LDB2: variants seen among roughly 807,000 people sequenced by gnomAD.
LDB2 encodes LIM domain binding 2, also known as LIM domain-binding protein 2.
A neutral mutation model predicts 44.3 loss-of-function variants in LDB2; 12 were observed. The ratio of observed to expected loss-of-function variants is 0.27; its 90% CI spans 0.17 to 0.44. The LOEUF (loss-of-function observed/expected upper bound fraction) is 0.44. LDB2 is among the 20% of genes least tolerant of loss of function. The pLI is 1.00. For synonymous variants in LDB2, 164 were observed against 174.8 expected (o/e 0.94, Z 0.49); for missense variants, 344 against 473.5 (o/e 0.73, Z 2.54).
chr4:16,658,187 C>G lies in LDB2; in HGVS notation c.236-62312G>C, dbSNP rs909171033. Among the ~76,000 whole-genome samples the G allele has an allele frequency of 3.3e-5, 5 of 152,162 alleles. No homozygotes were observed. The South Asian group carries it at 8.3e-4, about 25-fold the overall frequency. On this transcript the variant is annotated intron_variant, in intron 2 of 7. Transcript: ENST00000304523. ...TGGAAGAGGTCAGTATGGCAGATTCCTCTTGGGCAGGGGCTGTATCTTATT... is the reference window on the plus strand; with the variant it reads ...TGGAAGAGGTCAGTATGGCAGATTCGTCTTGGGCAGGGGCTGTATCTTATT...
At chr4:16,570,694 C>T (rs1746203359) in intron 5 of LDB2, among the ~76,000 whole-genome samples, 1 of 151,366 alleles carries the variant, frequency 6.6e-6, no homozygotes, top group South Asian at 2.1e-4. Flanking sequence ...TGGAGGAAGT[C>T]ACATTTGTCT....
chr4:16,695,828 A>ATT (rs143557117), intron 2 of LDB2, among the ~76,000 whole-genome samples: 1 of 151,890 alleles, frequency 6.6e-6, no homozygotes, highest in Non-Finnish European at 1.5e-5. Flanking sequence ...TCTTCTTTTG[A>ATT]TTTTTTTTGA....
intron 5 of LDB2, among the ~76,000 whole-genome samples, chr4:16,523,886 A>G (rs1243815667): frequency 6.6e-6 from 1 of 152,260 alleles, no homozygotes; most frequent in Non-Finnish European, 1.5e-5. Flanking sequence ...AAACAAAACC[A>G]TAGGTAAGAA....
intron 2 of LDB2, among the ~76,000 whole-genome samples, chr4:16,611,218 C>G (rs2152464254): frequency 6.6e-6 from 1 of 152,226 alleles, no homozygotes; most frequent in East Asian, 1.9e-4. Context: ...GAAAGAAGCA[C>G]TAAATATGGA....
At chr4:16,724,281 G>A (rs1049113712) in intron 2 of LDB2, among the ~76,000 whole-genome samples, 5 of 151,768 alleles carry the variant, frequency 3.3e-5, no homozygotes, top group Non-Finnish European at 5.9e-5. Context: ...TACTATCTGG[G>A]TATCTGTGTT....
At chr4:16,601,793 T>A (rs543827094) in intron 2 of LDB2, among the ~76,000 whole-genome samples, 1 of 152,176 alleles carries the variant, frequency 6.6e-6, no homozygotes, top group Non-Finnish European at 1.5e-5. Flanking sequence ...TTTAAACTTA[T>A]CTGTATTCAG....
intron 2 of LDB2, among the ~76,000 whole-genome samples, chr4:16,741,297 A>G (rs1763185387): frequency 6.6e-6 from 1 of 152,244 alleles, no homozygotes; most frequent in South Asian, 2.1e-4. Flanking sequence ...ATCATTCACT[A>G]GCAAGTATAG....
At chr4:16,898,133 G>A (rs1482944011) in intron 1 of LDB2, among the ~76,000 whole-genome samples, 2 of 151,608 alleles carry the variant, frequency 1.3e-5, no homozygotes, top group African/African-American at 2.4e-5. Context: ...TCAAGTGCTG[G>A]GTTGTCTCAA....
At chr4:16,755,552 A>ATGT (rs1561115124) in intron 2 of LDB2, among the ~76,000 whole-genome samples, 1,695 of 32,548 alleles carry the variant, frequency 0.052, 13 homozygotes, top group South Asian at 0.11. Flanking sequence ...ACAGACAGAC[A>ATGT]GAGAGAGAGA....
At chr4:16,697,212 CAGG>C (rs1365994843) in intron 2 of LDB2, among the ~76,000 whole-genome samples, 1 of 151,260 alleles carries the variant, frequency 6.6e-6, no homozygotes, top group Admixed American at 6.6e-5. Flanking sequence ...ATCACGAGAT[CAGG>C]AGATCGAGAC....
chr4:16,824,826 T>C (rs1782760843), intron 1 of LDB2, among the ~76,000 whole-genome samples: 1 of 152,234 alleles, frequency 6.6e-6, no homozygotes, highest in Non-Finnish European at 1.5e-5. Flanking sequence ...GTGCCAGCCA[T>C]GTCCTGGCAT....
At chr4:16,658,572 T>G (rs1390074268) in intron 2 of LDB2, among the ~76,000 whole-genome samples, 1 of 152,166 alleles carries the variant, frequency 6.6e-6, no homozygotes, top group Non-Finnish European at 1.5e-5. Flanking sequence ...CCTGAAATTT[T>G]AGATTTTTAT....
intron 2 of LDB2, among the ~76,000 whole-genome samples, chr4:16,652,678 A>T (rs1451748365): frequency 6.6e-6 from 1 of 152,220 alleles, no homozygotes; most frequent in Non-Finnish European, 1.5e-5. Flanking sequence ...TTGGAAAAGA[A>T]GAGACCACTT....
chr4:16,813,368 A>G (rs1026277480), intron 1 of LDB2, among the ~76,000 whole-genome samples: 32 of 152,216 alleles, frequency 2.1e-4, no homozygotes, highest in African/African-American at 7.7e-4. Context: ...TGAGTAGGAC[A>G]TAGAAGAAGT....
chr4:16,809,313 TA>T (rs1779341452), intron 1 of LDB2, among the ~76,000 whole-genome samples: 1 of 152,188 alleles, frequency 6.6e-6, no homozygotes, highest in African/African-American at 2.4e-5. Context: ...TATTTTTGCT[TA>T]ACACAAATAT....
At chr4:16,727,194 G>A (rs1221593493) in intron 2 of LDB2, among the ~76,000 whole-genome samples, 1 of 152,212 alleles carries the variant, frequency 6.6e-6, no homozygotes, top group Non-Finnish European at 1.5e-5. Flanking sequence ...TCAACTCAAA[G>A]AGCATGCAAA....
intron 1 of LDB2, among the ~76,000 whole-genome samples, chr4:16,766,510 A>C (rs2313974): frequency 7.9e-6 from 1 of 127,072 alleles, no homozygotes; most frequent in African/African-American, 3.2e-5. Flanking sequence ...GTGTGTATAT[A>C]TTTTTTTTTT....
chr4:16,779,116 G>A (rs1772594764), intron 1 of LDB2, among the ~76,000 whole-genome samples: 1 of 152,182 alleles, frequency 6.6e-6, no homozygotes, highest in Admixed American at 6.5e-5. Context: ...TGGCCATAAA[G>A]CTGTTGGGGG....
intron 1 of LDB2, among the ~76,000 whole-genome samples, chr4:16,843,582 AT>A (rs1234445083): frequency 6.6e-6 from 1 of 152,162 alleles, no homozygotes; most frequent in Non-Finnish European, 1.5e-5. Context: ...ACAGGGTGCC[AT>A]TTTAAAAAAA....
Sources: gnomAD v4.1 joint callset for allele counts (sites outside exome capture counted in the v4.1 genomes callset) on GRCh38, gnomAD v4.1.1 for gene constraint, MANE v1.5 for transcripts, NCBI Gene and HGNC (gene_info 2026-07-23, HGNC 2026-07-21) for gene names.